The following SERINC2 variants were observed in gnomAD, a reference collection of about 807,000 sequenced individuals.
SERINC2 encodes serine incorporator 2.
In SERINC2, 56 loss-of-function variants were observed where a neutral mutation model predicts 54.2. That is an observed-to-expected ratio of 1.03 (90% CI 0.83 to 1.29). SERINC2 has a LOEUF of 1.29. Among genes scored for constraint, SERINC2 ranks in the 50% most tolerant of loss-of-function variants. SERINC2 has a pLI of 0.00. For synonymous variants in SERINC2, 272 were observed against 253.1 expected, an observed-to-expected ratio of 1.07 and a Z score of -0.71; for missense variants, 614 against 607.4, an observed-to-expected ratio of 1.01 and a Z score of -0.12.
In SERINC2 at chr1:31,423,800, G is replaced by A. The variant is rs1553133063; in HGVS notation, c.147G>A (p.Gly49=). Reference sequence around the variant, plus strand: ...TCTTCACGTTCTTCCTCTTCCTGGGGGTGCTGGTGTCCATCATTATGCTGA... The same window carrying A: ...TCTTCACGTTCTTCCTCTTCCTGGGAGTGCTGGTGTCCATCATTATGCTGA... ...RLIFTFFLFL[G]VLVSIIMLSP... The change falls in exon 2 of 10, where the codon GGG becomes GGA. Residue 49 remains glycine, a synonymous_variant. Transcript: ENST00000373709. The A allele has an allele frequency of 6.2e-7, 1 of 1,613,928 alleles. No homozygotes were observed. Among genetic ancestry groups the A allele is most frequent in the East Asian group, 2.2e-5 (1 of 44,878 alleles).
chr1:31,433,632 G>A (rs575130763), intron 9 of SERINC2, among the ~76,000 whole-genome samples: 3 of 152,164 alleles, frequency 2.0e-5, no homozygotes, highest in Non-Finnish European at 4.4e-5. Flanking sequence ...AAAATTGAGA[G>A]TAGGAGGTCA....
intron 1 of SERINC2, among the ~76,000 whole-genome samples, chr1:31,421,899 C>A (rs1187171133): frequency 6.6e-6 from 1 of 152,232 alleles, no homozygotes; most frequent in Non-Finnish European, 1.5e-5. Context: ...AATGCCCAGC[C>A]CCTACCCACC....
intron 8 of SERINC2, among the ~76,000 whole-genome samples, chr1:31,432,251 A>G (rs1203583604): frequency 7.0e-6 from 1 of 142,214 alleles, no homozygotes; most frequent in Non-Finnish European, 1.6e-5. Context: ...ACTCACAGCA[A>G]GGGGTGATTT....
intron 6 of SERINC2, among the ~76,000 whole-genome samples, chr1:31,427,828 T>C (rs1346941426): frequency 6.3e-5 from 8 of 127,978 alleles, no homozygotes; most frequent in African/African-American, 2.5e-4. Flanking sequence ...TTCTTTCTTT[T>C]TTTTTTTTTT....
upstream of SERINC2, chr1:31,409,862 G>T: frequency 6.4e-7 from 1 of 1,554,204 alleles, no homozygotes; most frequent in African/African-American, 1.4e-5. Flanking sequence ...GGTAAGAGGG[G>T]ATGGGGAGAG....
chr1:31,419,106 T>C (rs1304271174), intron 1 of SERINC2, among the ~76,000 whole-genome samples: 5 of 152,208 alleles, frequency 3.3e-5, no homozygotes, highest in African/African-American at 1.2e-4. Flanking sequence ...TTGCTGCCCT[T>C]GAGTGCATCT....
chr1:31,431,939 T>TTAGGGTGGA (rs1641248844), intron 8 of SERINC2, among the ~76,000 whole-genome samples: 1 of 2,992 alleles, frequency 3.3e-4, no homozygotes, highest in Non-Finnish European at 7.8e-4. Context: ...GATAGGGTGG[T>TTAGGGTGGA]TAGGGTGGTT....
chr1:31,418,192 G>A (rs1640826105), intron 1 of SERINC2, among the ~76,000 whole-genome samples: 1 of 152,120 alleles, frequency 6.6e-6, no homozygotes, highest in Non-Finnish European at 1.5e-5. Flanking sequence ...ATATTCTATT[G>A]TATGGATATG....
At chr1:31,431,181 A>C (rs143342089) in intron 8 of SERINC2, among the ~76,000 whole-genome samples, 19 of 150,290 alleles carry the variant, frequency 1.3e-4, no homozygotes, top group African/African-American at 4.4e-4. Context: ...CTGGAGTGCA[A>C]TGACACAATC....
intron 1 of SERINC2, among the ~76,000 whole-genome samples, chr1:31,422,320 G>A (rs1640922856): frequency 6.7e-6 from 1 of 149,930 alleles, no homozygotes. Context: ...AACAAAAAAA[G>A]AAGAAAAGAA....
chr1:31,424,452 A>G (rs1433180002), intron 2 of SERINC2, among the ~76,000 whole-genome samples: 1 of 152,154 alleles, frequency 6.6e-6, no homozygotes, highest in African/African-American at 2.4e-5. Context: ...AACAATAACA[A>G]GATGTAACTG....
In SERINC2 at chr1:31,413,757, C is replaced by A; in HGVS notation, c.39+453C>A. 7.2e-7 allele frequency: 1 copy of A among 1,379,686 alleles called. No homozygotes were observed. Among genetic ancestry groups the A allele is most frequent in the East Asian group, 3.1e-5 (1 of 32,458 alleles). The allele number at this position is 1,379,686 out of a possible 1,614,324, so 85.5% of individuals were successfully genotyped here. A position where few individuals can be genotyped will look rare whatever the true frequency, so the allele number is the denominator to read the frequency against. The stretch of plus-strand genomic sequence containing the variant: ...TCCTGGCGAGTGCCCTGCCCTACCC[C>A]TCTGGCCGCCTGCCAGTCCGCCTGT... On this transcript the variant is annotated intron_variant, in intron 1 of 9. Coordinates refer to ENST00000373709, the MANE Select transcript of SERINC2 (RefSeq NM_178865.5). This position sits in a 1 kb window ranked among gnomAD's most constrained non-coding sequence, Gnocchi z 5.0.
Position 31,413,235 on chromosome 1 carries a change from CGCCGGGCGCCCGAAGCCGGGA to C in SERINC2, c.-26_-6del, listed in dbSNP as rs1467319935. ...CCCGAGGTCCGCGCCCCGCGCCCGG[CGCCGGGCGCCCGAAGCCGGGA>C]GCCGCCGCCATGGGGGCCTGCCTGG... On this transcript the variant is annotated 5_prime_UTR_variant, in exon 1 of 10. Coordinates refer to ENST00000373709, the MANE Select transcript of SERINC2 (RefSeq NM_178865.5). The surrounding 1 kb of genome is among the most constrained non-coding windows in gnomAD (Gnocchi z 5.0). 18 of 1,143,210 alleles carry C rather than the reference CGCCGGGCGCCCGAAGCCGGGA, an allele frequency of 1.6e-5. No homozygotes were observed. The highest frequency in any genetic ancestry group is 1.8e-5 in the Non-Finnish European group (17 of 934,180). 70.8% of individuals were successfully genotyped at this position (1,143,210 alleles called of 1,614,324 possible).
rs1020648910 is a variant in SERINC2 at position 31,428,963 on chromosome 1, G to T, written c.781-15G>T. 3.1e-6 allele frequency: 5 copies of T among 1,611,308 alleles called. No individual in the cohort carries two copies. The highest frequency in any genetic ancestry group is 4.2e-6 in the Non-Finnish European group (5 of 1,177,696). ...TCTGGTCTGGCAGGGGTCTTACCAG[G>T]GGTCCTCTTGCCAGGACGCCCAGCC... On this transcript the variant is annotated splice_polypyrimidine_tract_variant and intron_variant, in intron 6 of 9. Transcript: ENST00000373709.
intron 8 of SERINC2, among the ~76,000 whole-genome samples, chr1:31,431,738 G>C (rs943567050): frequency 1.1e-5 from 1 of 92,230 alleles, no homozygotes; most frequent in Non-Finnish European, 2.7e-5. Context: ...ATATCCATAT[G>C]GTATTTGGTA....
In SERINC2 at chr1:31,434,593, C is replaced by G; in HGVS notation, c.*394C>G. Reference sequence around the variant, plus strand: ...AGCCCTGGTGTTCCTGGTCACGTCCCCCAGGGGACCCTGCCCACTTCCTGG... The same window carrying G: ...AGCCCTGGTGTTCCTGGTCACGTCCGCCAGGGGACCCTGCCCACTTCCTGG... On this transcript the variant is annotated 3_prime_UTR_variant, in exon 10 of 10. Transcript: ENST00000373709. The G allele has an allele frequency of 4.3e-6, 1 of 230,672 alleles. No individual in the cohort carries two copies. Among genetic ancestry groups the G allele is most frequent in the Admixed American group, 5.1e-5 (1 of 19,736 alleles). 14.3% of individuals were successfully genotyped at this position (230,672 alleles called of 1,614,324 possible). A position where few individuals can be genotyped will look rare whatever the true frequency, so the allele number is the denominator to read the frequency against.
rs2148518502 is a variant in SERINC2, at chr1:31,424,535, A to G, written c.202-148A>G. ...GGCGGAGGCAGTGGAGATAGAGGTG[A>G]GGGGCTCCCCTCCCTGTCTGGTCCA... On this transcript the variant is annotated intron_variant, in intron 2 of 9. Transcript: ENST00000373709. 4.6e-6 allele frequency: 3 copies of G among 651,722 alleles called. No individual in the cohort carries two copies. In the East Asian group the frequency reaches 8.6e-5, roughly 19 times the overall value. 40.4% of individuals were successfully genotyped at this position (651,722 alleles called of 1,614,324 possible).
Position 31,413,327 on chromosome 1 carries a change from G to A in SERINC2, c.39+23G>A, listed in dbSNP as rs1213842221. The A allele has an allele frequency of 2.5e-6, 3 of 1,223,428 alleles. No individual in the cohort carries two copies. The highest frequency in any genetic ancestry group is 3.1e-6 in the Non-Finnish European group (3 of 973,998). The allele number at this position is 1,223,428 out of a possible 1,614,324, so 75.8% of individuals were successfully genotyped here. A position where few individuals can be genotyped will look rare whatever the true frequency, so the allele number is the denominator to read the frequency against. Reference sequence around the variant, plus strand: ...TGCGTGAGTCCCGACCCCGGCGCCCGCCCGCGCGCGCCGCCCGTTCCTGCT... The same window carrying A: ...TGCGTGAGTCCCGACCCCGGCGCCCACCCGCGCGCGCCGCCCGTTCCTGCT... On this transcript the variant is annotated intron_variant, in intron 1 of 9. Coordinates refer to ENST00000373709, the MANE Select transcript of SERINC2 (RefSeq NM_178865.5). This position sits in a 1 kb window ranked among gnomAD's most constrained non-coding sequence, Gnocchi z 5.0.
chr1:31,433,310 C>T, intron 9 of SERINC2, 125 bp downstream of exon 9: 1 of 764,592 alleles, frequency 1.3e-6, no homozygotes, highest in Non-Finnish European at 2.2e-6. Context: ...CGGTGTGTAT[C>T]AAGGACCCTC....
Sources: gnomAD v4.1 joint callset for allele counts (sites outside exome capture counted in the v4.1 genomes callset) on GRCh38, gnomAD v4.1.1 for gene constraint, Gnocchi (gnomAD v3.1) non-coding constraint, MANE v1.5 for transcripts, NCBI Gene and HGNC (gene_info 2026-07-23, HGNC 2026-07-21) for gene names.